The following EHBP1 variants were observed in gnomAD, a reference collection of about 807,000 sequenced individuals.
EHBP1 encodes EH domain-binding protein 1.
A neutral mutation model predicts 144.0 loss-of-function variants in EHBP1; 55 were observed. That is an observed-to-expected ratio of 0.38 (90% CI 0.31 to 0.48). EHBP1 has a LOEUF of 0.48. Among genes scored for constraint, EHBP1 ranks in the 20% least tolerant of loss-of-function variants. EHBP1 has a pLI of 0.98. For synonymous variants in EHBP1, 469 were observed against 472.7 expected (o/e 0.99, Z 0.10); for missense variants, 1,200 against 1,364.2 (o/e 0.88, Z 1.90).
At chr2:63,014,163 G>A (rs938255108) in intron 19 of EHBP1, among the ~76,000 whole-genome samples, 6 of 152,230 alleles carry the variant, frequency 3.9e-5, no homozygotes, top group Non-Finnish European at 7.3e-5. Context: ...TGGAGTGCCT[G>A]TTGAGTACAA....
intron 14 of EHBP1, among the ~76,000 whole-genome samples, chr2:62,968,920 T>C (rs1397097401): frequency 6.6e-6 from 1 of 152,176 alleles, no homozygotes; most frequent in Non-Finnish European, 1.5e-5. Context: ...CCAGAGAGCG[T>C]TCAGCTCCTT....
intron 4 of EHBP1, among the ~76,000 whole-genome samples, chr2:62,769,640 C>G (rs2041472489): frequency 6.6e-6 from 1 of 151,974 alleles, no homozygotes; most frequent in Non-Finnish European, 1.5e-5. Context: ...ACATTCTTCA[C>G]AGAACTTGAA....
intron 6 of EHBP1, among the ~76,000 whole-genome samples, chr2:62,827,535 T>C (rs2046427088): frequency 6.6e-6 from 1 of 152,148 alleles, no homozygotes; most frequent in Admixed American, 6.5e-5. Context: ...TCAATTTGAA[T>C]TGAAAAGGAA....
chr2:62,900,442 T>A (rs1364300543), intron 10 of EHBP1, among the ~76,000 whole-genome samples: 1 of 151,850 alleles, frequency 6.6e-6, no homozygotes, highest in Non-Finnish European at 1.5e-5. Context: ...GGCAACATGG[T>A]GAGACCCCAT....
chr2:62,967,921 C>G (rs551366977), intron 14 of EHBP1, among the ~76,000 whole-genome samples: 1 of 151,974 alleles, frequency 6.6e-6, no homozygotes, highest in East Asian at 1.9e-4. Flanking sequence ...GAGAAAAGCC[C>G]TTAAGTGAAG....
At chr2:62,835,962 C>G (rs372168973) in intron 7 of EHBP1, among the ~76,000 whole-genome samples, 14,441 of 150,180 alleles carry the variant, frequency 0.096, 948 homozygotes, top group Middle Eastern at 0.14. Flanking sequence ...CAAAGCGGCC[C>G]GGAAGCTCGA....
chr2:62,901,880 T>G (rs572888371), intron 10 of EHBP1, among the ~76,000 whole-genome samples: 2 of 151,698 alleles, frequency 1.3e-5, no homozygotes, highest in East Asian at 3.9e-4. Context: ...TAGGAAGATT[T>G]CTTGAGCCCA....
chr2:62,775,682 A>G (rs2042008400), intron 5 of EHBP1, among the ~76,000 whole-genome samples: 1 of 152,188 alleles, frequency 6.6e-6, no homozygotes, highest in African/African-American at 2.4e-5. Flanking sequence ...CTTACTATGT[A>G]CCAGGTACTA....
At chr2:62,713,100 T>C (rs2035316780) in intron 2 of EHBP1, among the ~76,000 whole-genome samples, 1 of 152,146 alleles carries the variant, frequency 6.6e-6, no homozygotes, top group African/African-American at 2.4e-5. Context: ...AGTTGGTGGC[T>C]GAGGTGAAAT....
chr2:62,843,114 C>G (rs896746830), intron 7 of EHBP1, among the ~76,000 whole-genome samples: 13 of 152,128 alleles, frequency 8.5e-5, no homozygotes, highest in Admixed American at 3.9e-4. Flanking sequence ...TTGGATGCCT[C>G]TATTTTGTGT....
intron 7 of EHBP1, among the ~76,000 whole-genome samples, chr2:62,845,647 G>T (rs1389860240): frequency 6.6e-6 from 1 of 150,566 alleles, no homozygotes; most frequent in Non-Finnish European, 1.5e-5. Context: ...CCACCCACCA[G>T]TACCTAGGCA....
At chr2:62,805,740 C>T (rs2044398663) in intron 5 of EHBP1, among the ~76,000 whole-genome samples, 1 of 152,106 alleles carries the variant, frequency 6.6e-6, no homozygotes, top group Non-Finnish European at 1.5e-5. Flanking sequence ...TGGTCTCAAG[C>T]TCCTGACCTC....
chr2:62,688,103 A>G (rs1056622585), intron 1 of EHBP1, among the ~76,000 whole-genome samples: 12 of 152,202 alleles, frequency 7.9e-5, no homozygotes, highest in Admixed American at 5.9e-4. Context: ...TTAAAAATGA[A>G]TTATCTCTCT....
At chr2:62,934,654 G>T (rs890464530) in intron 10 of EHBP1, among the ~76,000 whole-genome samples, 10 of 152,162 alleles carry the variant, frequency 6.6e-5, no homozygotes, top group Admixed American at 6.5e-4. Flanking sequence ...CAAAACACAG[G>T]ATCTTGTAGC....
At chr2:63,025,787 T>G (rs1261056923) in intron 19 of EHBP1, among the ~76,000 whole-genome samples, 1 of 152,182 alleles carries the variant, frequency 6.6e-6, no homozygotes, top group Non-Finnish European at 1.5e-5. Context: ...GAAAGTAACT[T>G]AATCCTTGGG....
chr2:62,760,445 G>A (rs1413218493), intron 3 of EHBP1, among the ~76,000 whole-genome samples: 1 of 152,168 alleles, frequency 6.6e-6, no homozygotes, highest in Non-Finnish European at 1.5e-5. Flanking sequence ...GCATACTAAT[G>A]TCTCCTTTTA....
chr2:62,682,436 A>C (rs1195206032), intron 1 of EHBP1, among the ~76,000 whole-genome samples: 1 of 152,140 alleles, frequency 6.6e-6, no homozygotes, highest in East Asian at 1.9e-4. Flanking sequence ...ATATTTTCCA[A>C]TTTATTGTCC....
chr2:62,940,976 G>A (rs2056722915), intron 10 of EHBP1, among the ~76,000 whole-genome samples: 1 of 152,046 alleles, frequency 6.6e-6, no homozygotes, highest in African/African-American at 2.4e-5. Context: ...CATTACCTAT[G>A]GACATGCTAC....
chr2:62,963,431 A>G (rs1205692178), intron 14 of EHBP1, among the ~76,000 whole-genome samples: 1 of 152,176 alleles, frequency 6.6e-6, no homozygotes, highest in African/African-American at 2.4e-5. Context: ...ACTTTTTTTG[A>G]TAATCTCTAA....
Sources: allele counts gnomAD v4.1 joint callset (sites outside exome capture counted in the v4.1 genomes callset), GRCh38; gene constraint gnomAD v4.1.1; transcripts MANE v1.5; gene names NCBI Gene and HGNC (gene_info 2026-07-23, HGNC 2026-07-21).